ZC3H18: variants seen among roughly 807,000 people sequenced by gnomAD.
ZC3H18 encodes the protein zinc finger CCCH-type containing 18, also known as zinc finger CCCH domain-containing protein 18.
A neutral mutation model predicts 106.1 loss-of-function variants in ZC3H18; 8 were observed. The ratio of observed to expected loss-of-function variants is 0.08; its 90% confidence interval spans 0.04 to 0.14. The LOEUF is 0.14. Among genes scored for constraint, ZC3H18 ranks in the 10% least tolerant of loss-of-function variants. The pLI is 1.00. For synonymous variants in ZC3H18, 635 were observed against 522.1 expected, an observed-to-expected ratio of 1.22 and a Z score of -2.95; for missense variants, 1,318 against 1,278.4, an observed-to-expected ratio of 1.03 and a Z score of -0.47.
intron 2 of ZC3H18, among the ~76,000 whole-genome samples, chr16:88,583,809 T>A (rs2142569238): frequency 6.6e-6 from 1 of 152,224 alleles, no homozygotes; most frequent in East Asian, 1.9e-4. Flanking sequence ...ACGGGCACCA[T>A]CCGTTTTTAG....
In ZC3H18 at chr16:88,627,833, C is replaced by A. The variant is rs758607885; in HGVS notation, c.2269+51C>A. 1 of 1,610,044 alleles carries A rather than the reference C, an allele frequency of 6.2e-7. No homozygotes were observed. Among genetic ancestry groups the A allele is most frequent in the South Asian group, 1.1e-5 (1 of 90,982 alleles). ...GGGAGCAGCTCCCGGGGGAGGAGGG[C>A]GGCATCAGCACAGACTTTGCCTGGC... On this transcript the variant is annotated intron_variant, in intron 14 of 17. Transcript: ENST00000301011. This position sits in a 1 kb window ranked among gnomAD's most constrained non-coding sequence, Gnocchi z 4.5.
chr16:88,593,406 G>C (rs1904306635), intron 3 of ZC3H18, among the ~76,000 whole-genome samples: 3 of 152,256 alleles, frequency 2.0e-5, no homozygotes, highest in Non-Finnish European at 4.4e-5. Flanking sequence ...AGGTGGGGCA[G>C]AGGAGGTCGG....
Position 88,622,310 on chromosome 16 carries a change from G to A in ZC3H18, c.1589G>A (p.Gly530Glu). 6.2e-7 allele frequency: 1 copy of A among 1,613,998 alleles called. No homozygotes were observed. Among genetic ancestry groups the A allele is most frequent in the Non-Finnish European group, 8.5e-7 (1 of 1,179,944 alleles). ...RRSKSPKKKLGVSVSPSRARR... is the reference protein window; with the variant it reads ...RRSKSPKKKLEVSVSPSRARR... ...TCCAAGTCTCCCAAGAAGAAACTCG[G>A]GGTGTCGGTCTCCCCGAGCCGGGCT... The change falls in exon 9 of 18, where the codon GGG becomes GAG. Residue 530 changes from glycine to glutamate, a missense_variant. Physicochemically the swap from Gly to Glu is moderately conservative, Grantham distance 98. Around this residue, in one of 6 missense-constraint regions of ZC3H18, gnomAD observed 848 missense variants for 821.7 expected, o/e 1.03. Transcript: ENST00000301011.
intron 3 of ZC3H18, among the ~76,000 whole-genome samples, chr16:88,596,966 G>T (rs1244781586): frequency 6.6e-6 from 1 of 152,160 alleles, no homozygotes; most frequent in African/African-American, 2.4e-5. Context: ...TGTTGCCCAG[G>T]CTGGAGTGCA....
chr16:88,630,756 ACC>A (rs1281479340), intron 17 of ZC3H18, among the ~76,000 whole-genome samples, 175 bp downstream of exon 17: 2 of 50,240 alleles, frequency 4.0e-5, no homozygotes, highest in South Asian at 7.5e-4. Flanking sequence ...CCCACCCCCC[ACC>A]CCCCCCCACA....
At chr16:88,625,138 A>T in intron 12 of ZC3H18, 64 bp from the exon 13 acceptor site, 4 of 1,537,332 alleles carry the variant, frequency 2.6e-6, no homozygotes, top group Non-Finnish European at 3.5e-6. Flanking sequence ...GCTGGTGGGG[A>T]GGGGAGGCCG....
intron 7 of ZC3H18, 160 bp downstream of exon 7, chr16:88,609,211 C>G: frequency 4.2e-6 from 2 of 478,582 alleles, no homozygotes; most frequent in South Asian, 6.7e-5. Context: ...AGAACGAATT[C>G]AGAGGCAGCG....
chr16:88,599,688 C>T (rs1397891677), intron 5 of ZC3H18, 103 bp from the exon 6 acceptor site: 11 of 1,370,678 alleles, frequency 8.0e-6, no homozygotes, highest in South Asian at 1.4e-5. Flanking sequence ...GCTCCTGCTC[C>T]TGCAGGGCTG....
Position 88,577,645 on chromosome 16 carries a change from G to A in ZC3H18, c.522G>A (p.Val174=), listed in dbSNP as rs1377907764. The A allele has an allele frequency of 1.2e-6, 2 of 1,613,802 alleles. No individual in the cohort carries two copies. The highest frequency in any genetic ancestry group is 2.7e-5 in the African/African-American group (2 of 74,902). Residue 174 remains valine, a synonymous_variant, in exon 2 of 18, where the codon GTG becomes GTA. Transcript: ENST00000301011. ...AGGGGAAGGCTGGTGTTCAGAGTGT[G>A]GGAGAAAAGGAATCCCTGGAGGCTG... ...REEGKAGVQS[V]GEKESLEAAK...
Position 88,604,351 on chromosome 16 carries a change from CAA to C in ZC3H18, c.1088+4418_1088+4419del, listed in dbSNP as rs34989965. On this transcript the variant is annotated intron_variant, in intron 6 of 17. Transcript: ENST00000301011. ...GGGTGACTGAGTGAGACTCTTTCTCCAAAAAAAAAAAAAAAAGTTCTCACATA... is the reference window on the plus strand; with the variant it reads ...GGGTGACTGAGTGAGACTCTTTCTCCAAAAAAAAAAAAAAGTTCTCACATA... Among the ~76,000 whole-genome samples the C allele has an allele frequency of 3.1e-3, 417 of 133,616 alleles. 1 individual carries two copies. Among genetic ancestry groups the C allele is most frequent in the Admixed American group, 6.1e-3 (82 of 13,426 alleles). 87.7% of individuals were successfully genotyped at this position (133,616 alleles called of 152,430 possible).
intron 3 of ZC3H18, among the ~76,000 whole-genome samples, chr16:88,596,613 C>T (rs924352056): frequency 6.6e-6 from 1 of 152,060 alleles, no homozygotes; most frequent in East Asian, 1.9e-4. Flanking sequence ...GCACTCCAGC[C>T]TGGGACTGTC....
intron 2 of ZC3H18, among the ~76,000 whole-genome samples, chr16:88,581,914 C>T (rs1284389647): frequency 6.6e-6 from 1 of 152,212 alleles, no homozygotes; most frequent in Admixed American, 6.5e-5. Context: ...CTCTTTTGCT[C>T]ACTCCATGTT....
intron 9 of ZC3H18, 126 bp from the exon 10 acceptor site, chr16:88,623,093 G>C (rs1433964338): frequency 7.2e-7 from 1 of 1,379,670 alleles, no homozygotes; most frequent in Non-Finnish European, 9.7e-7. Context: ...GTGCGCGCGT[G>C]CGCAGCTGTG....
chr16:88,624,540 G>T, intron 11 of ZC3H18, 62 bp from the exon 12 acceptor site: 2 of 1,611,114 alleles, frequency 1.2e-6, no homozygotes, highest in Non-Finnish European at 1.7e-6. Context: ...ATTGAAAGGG[G>T]ATGTAGGCCA....
At chr16:88,573,727 A>G (rs929462389) in intron 1 of ZC3H18, among the ~76,000 whole-genome samples, 8 of 151,942 alleles carry the variant, frequency 5.3e-5, no homozygotes, top group Non-Finnish European at 8.8e-5. Context: ...CTGACTTTTT[A>G]ATAATTCCTC....
intron 2 of ZC3H18, among the ~76,000 whole-genome samples, chr16:88,578,290 G>T (rs1236636182): frequency 6.6e-6 from 1 of 152,220 alleles, no homozygotes; most frequent in African/African-American, 2.4e-5. Context: ...CTCAACTTCT[G>T]ACAAAGCCAG....
At chr16:88,591,873 T>C (rs1383809607) in intron 3 of ZC3H18, among the ~76,000 whole-genome samples, 10 of 148,502 alleles carry the variant, frequency 6.7e-5, no homozygotes, top group Admixed American at 6.0e-4. Flanking sequence ...CCGCTGGCAG[T>C]GGAGTTGCTG....
At position 88,600,145 on chromosome 16, in the gene ZC3H18, C is replaced by G. The variant is rs3751678; in HGVS notation, c.1088+197C>G. Among the ~76,000 whole-genome samples, 30,960 of 152,110 alleles carry G rather than the reference C, an allele frequency of 0.2. 3,475 individuals are homozygous for G. Among genetic ancestry groups the G allele is most frequent in the East Asian group, 0.35 (1,810 of 5,164 alleles). Reference sequence around the variant, plus strand: ...CAGTTTTTTGCTTCTAGGAAGGAAGCGTTAGGGCTCTGTGCCATGGGCCTT... The same window carrying G: ...CAGTTTTTTGCTTCTAGGAAGGAAGGGTTAGGGCTCTGTGCCATGGGCCTT... On this transcript the variant is annotated intron_variant, in intron 6 of 17. Transcript: ENST00000301011.
intron 17 of ZC3H18, 70 bp downstream of exon 17, chr16:88,630,651 C>T: frequency 7.7e-7 from 1 of 1,307,090 alleles, no homozygotes; most frequent in Non-Finnish European, 1.1e-6. Flanking sequence ...CCAGGGAGGC[C>T]AGCAGCAGCA....
Sources: allele counts gnomAD v4.1 joint callset (sites outside exome capture counted in the v4.1 genomes callset), GRCh38; gene constraint gnomAD v4.1.1; regional missense constraint gnomAD v4.1.1; non-coding constraint Gnocchi (gnomAD v3.1); transcripts MANE v1.5; gene names NCBI Gene and HGNC (gene_info 2026-07-23, HGNC 2026-07-21).